The following PSD3 variants were observed in gnomAD, a reference collection of about 807,000 sequenced individuals.
PSD3 encodes PH and SEC7 domain-containing protein 3.
In PSD3, 49 loss-of-function variants were observed where a neutral mutation model predicts 105.5. The observed-to-expected ratio is 0.46, with a 90% CI of 0.37 to 0.59. PSD3 has a LOEUF of 0.59. Ranked by LOEUF, PSD3 falls within the 20% of genes least tolerant of loss-of-function variation. The pLI is 0.00. For synonymous variants in PSD3, 557 were observed against 457.8 expected, an observed-to-expected ratio of 1.22 and a Z score of -2.77; for missense variants, 1,561 against 1,263.8, an observed-to-expected ratio of 1.24 and a Z score of -3.57.
chr8:18,954,899 T>A (rs186222783), intron 1 of PSD3, among the ~76,000 whole-genome samples: 1 of 152,126 alleles, frequency 6.6e-6, no homozygotes, highest in African/African-American at 2.4e-5. Flanking sequence ...CCAAGTTCAA[T>A]GAACTGCATC....
chr8:19,077,209 G>T (rs368857420), intron 1 of PSD3, among the ~76,000 whole-genome samples: 30 of 152,248 alleles, frequency 2.0e-4, no homozygotes, highest in African/African-American at 7.2e-4. Flanking sequence ...TCAATGAAGA[G>T]CAGCCAAGCT....
At chr8:18,955,365 T>G (rs988235111) in intron 1 of PSD3, among the ~76,000 whole-genome samples, 56 of 152,140 alleles carry the variant, frequency 3.7e-4, no homozygotes, top group African/African-American at 1.3e-3. Context: ...CTCAGCCTCC[T>G]GAGTAGCTGG....
At chr8:18,904,661 T>A (rs1563404091) in intron 2 of PSD3, among the ~76,000 whole-genome samples, 1 of 152,240 alleles carries the variant, frequency 6.6e-6, no homozygotes, top group Non-Finnish European at 1.5e-5. Flanking sequence ...ACATCTTCTG[T>A]AATTATGTTA....
At chr8:18,626,329 C>A (rs900788920) in intron 11 of PSD3, among the ~76,000 whole-genome samples, 1 of 140,344 alleles carries the variant, frequency 7.1e-6, no homozygotes, top group African/African-American at 2.5e-5. Flanking sequence ...AACAAAATAA[C>A]CTTTCCATGC....
In PSD3 at chr8:18,728,217, C is replaced by CAT. The variant is rs200150554; in HGVS notation, c.2172+37231_2172+37232insAT. Among the ~76,000 whole-genome samples, 85 of 152,246 alleles carry CAT rather than the reference C, an allele frequency of 5.6e-4. 1 individual carries two copies. The highest frequency in any genetic ancestry group is 2.7e-3 in the East Asian group (14 of 5,170). On this transcript the variant is annotated intron_variant, in intron 9 of 15. Transcript: ENST00000327040. ...CTGATTTTCCATGGAATTTCTGCAC[C>CAT]GTACAATTGAGCACTGAAATACTCA...
At chr8:19,051,711 A>C (rs1274953142) in intron 1 of PSD3, among the ~76,000 whole-genome samples, 1 of 152,228 alleles carries the variant, frequency 6.6e-6, no homozygotes, top group East Asian at 1.9e-4. Flanking sequence ...GGGGATTAGC[A>C]TGTTACCATC....
rs1015359174 is a variant in PSD3 at position 18,531,768 on chromosome 8, C to T, written c.*3975G>A. The stretch of plus-strand genomic sequence containing the variant: ...ATAAACTAGACTTCAGGTTTAACAA[C>T]TCTTAGGATGCCACTTTGGTTCTTT... On this transcript the variant is annotated 3_prime_UTR_variant, in exon 16 of 16. Coordinates refer to ENST00000327040, the MANE Select transcript of PSD3 (RefSeq NM_015310.4). 1.3e-5 allele frequency: 2 copies of T among 152,224 alleles called. No individual in the cohort carries two copies. Among genetic ancestry groups the T allele is most frequent in the Non-Finnish European group, 2.9e-5 (2 of 68,046 alleles). The allele number at this position is 152,224 out of a possible 1,614,324, so 9.4% of individuals were successfully genotyped here. A position where few individuals can be genotyped will look rare whatever the true frequency, so the allele number is the denominator to read the frequency against.
At chr8:18,753,942 T>C (rs1391011273) in intron 9 of PSD3, among the ~76,000 whole-genome samples, 2 of 152,192 alleles carry the variant, frequency 1.3e-5, no homozygotes, top group African/African-American at 2.4e-5. Context: ...TTTGGAGACC[T>C]AGTGCCCTTT....
intron 9 of PSD3, among the ~76,000 whole-genome samples, chr8:18,758,605 C>T (rs993521909): frequency 1.3e-5 from 2 of 151,904 alleles, no homozygotes; most frequent in African/African-American, 4.8e-5. Context: ...AATCTGAGAG[C>T]CTCACTTTAT....
chr8:18,777,931 A>G (rs79574844), intron 8 of PSD3, among the ~76,000 whole-genome samples: 3,273 of 152,220 alleles, frequency 0.022, 160 homozygotes, highest in East Asian at 0.14. Context: ...ACTTCACTCA[A>G]TATAATGAAA....
At chr8:18,638,548 AC>A (rs1405471020) in intron 10 of PSD3, among the ~76,000 whole-genome samples, 3 of 119,374 alleles carry the variant, frequency 2.5e-5, no homozygotes, top group Non-Finnish European at 3.6e-5. Context: ...AAACAAACAA[AC>A]AAAAAAAAAC....
intron 10 of PSD3, among the ~76,000 whole-genome samples, chr8:18,633,843 G>A (rs556297050): frequency 6.6e-6 from 1 of 152,084 alleles, no homozygotes; most frequent in Non-Finnish European, 1.5e-5. Flanking sequence ...CTTAAAAACT[G>A]CTTTCCACAG....
chr8:18,814,403 T>C lies in PSD3; in HGVS notation c.1635-9505A>G, dbSNP rs571244900. Among the ~76,000 whole-genome samples, 11 of 152,330 alleles carry C rather than the reference T, an allele frequency of 7.2e-5. 1 individual carries two copies. In the South Asian group the frequency reaches 2.3e-3, roughly 32 times the overall value. Reference sequence around the variant, plus strand: ...GAGTCTGCATTTGCTCCTGAGGCACTGGCTTCCAACATAACAACTGTACTT... The same window carrying C: ...GAGTCTGCATTTGCTCCTGAGGCACCGGCTTCCAACATAACAACTGTACTT... On this transcript the variant is annotated intron_variant, in intron 4 of 15. Transcript: ENST00000327040.
chr8:18,667,787 G>A (rs888422299), intron 9 of PSD3, among the ~76,000 whole-genome samples: 3 of 152,220 alleles, frequency 2.0e-5, no homozygotes, highest in Non-Finnish European at 2.9e-5. Flanking sequence ...GGTGGGGGAG[G>A]CTCAGGCATG....
At chr8:18,827,417 G>A (rs1374570880) in intron 4 of PSD3, among the ~76,000 whole-genome samples, 2 of 152,196 alleles carry the variant, frequency 1.3e-5, no homozygotes, top group African/African-American at 4.8e-5. Context: ...ACTACAGGGT[G>A]CGAAGATGGG....
intron 11 of PSD3, among the ~76,000 whole-genome samples, chr8:18,602,635 C>G (rs1464616909): frequency 6.6e-6 from 1 of 152,108 alleles, no homozygotes; most frequent in East Asian, 1.9e-4. Flanking sequence ...CACCGTAATG[C>G]TAAGAGTAAG....
chr8:18,699,372 C>G (rs1801441925), intron 9 of PSD3, among the ~76,000 whole-genome samples: 3 of 152,208 alleles, frequency 2.0e-5, no homozygotes, highest in Admixed American at 2.0e-4. Flanking sequence ...CAAACTTATA[C>G]TGTGTTGGAG....
chr8:19,073,044 G>A (rs568431290), intron 1 of PSD3, among the ~76,000 whole-genome samples: 1 of 152,258 alleles, frequency 6.6e-6, no homozygotes, highest in African/African-American at 2.4e-5. Context: ...TAATAAAATG[G>A]TTAATTATCT....
At chr8:18,804,255 A>T in intron 6 of PSD3, 1 of 318,110 alleles carries the variant, frequency 3.1e-6, no homozygotes. Context: ...GTGCTGAAAT[A>T]AGGTTCAAAG....
Sources: allele counts gnomAD v4.1 joint callset (sites outside exome capture counted in the v4.1 genomes callset), GRCh38; gene constraint gnomAD v4.1.1; transcripts MANE v1.5; gene names NCBI Gene and HGNC (gene_info 2026-07-23, HGNC 2026-07-21).